The following ZNF383 variants were observed in gnomAD, a reference collection of about 807,000 sequenced individuals.
ZNF383 encodes the protein zinc finger protein 383.
Under a neutral mutation model 44.2 loss-of-function variants are expected in ZNF383, and 32 were observed. The ratio of observed to expected loss-of-function variants is 0.72; its 90% CI spans 0.55 to 0.97. The LOEUF is 0.97. Among genes scored for constraint, ZNF383 ranks in the 50% least tolerant of loss-of-function variants. The probability of loss-of-function intolerance (pLI) is 0.00; values close to 1 mark genes in which losing one functional copy is unlikely to be tolerated. For synonymous variants in ZNF383, 155 were observed against 186.2 expected, an observed-to-expected ratio of 0.83 and a Z score of 1.36; for missense variants, 487 against 562.5, an observed-to-expected ratio of 0.87 and a Z score of 1.36.
At position 37,248,183 on chromosome 19, in the gene ZNF383, T is replaced by G. The variant is rs971243188; in HGVS notation, c.*4519T>G. The stretch of plus-strand genomic sequence containing the variant: ...TTTTTCTTAAAATATATTTTAAATG[T>G]CAAATTGCTACACTAAAAAAGACAC... On this transcript the variant is annotated 3_prime_UTR_variant, in exon 6 of 6. Transcript: ENST00000684119. 3 of 152,298 alleles carry G rather than the reference T, an allele frequency of 2.0e-5. No individual in the cohort carries two copies. In the East Asian group the frequency reaches 5.8e-4, roughly 29 times the overall value. 9.4% of individuals were successfully genotyped at this position (152,298 alleles called of 1,614,324 possible). A position where few individuals can be genotyped will look rare whatever the true frequency, so the allele number is the denominator to read the frequency against.
At chr19:37,229,013 T>A (rs1973318491) in intron 2 of ZNF383, among the ~76,000 whole-genome samples, 1 of 152,094 alleles carries the variant, frequency 6.6e-6, no homozygotes, top group Non-Finnish European at 1.5e-5. Flanking sequence ...GTGGCAGAAG[T>A]ATTCTGTTTA....
Position 37,242,858 on chromosome 19 carries a change from A to G in ZNF383, c.622A>G (p.Ser208Gly). Residue 208 changes from serine (S) to glycine (G), a missense_variant, in exon 6 of 6, where the codon AGT (serine) becomes GGT (glycine). By Grantham distance (56) the Ser-to-Gly change is moderately conservative. Coordinates refer to ENST00000684119, the MANE Select transcript of ZNF383 (RefSeq NM_001387601.1). ...YECKECGKFFSCGSHVTRHLK... is the reference protein window; with the variant it reads ...YECKECGKFFGCGSHVTRHLK... ...ATGTAAAGAGTGTGGGAAATTCTTT[A>G]GTTGTGGTTCACATGTTACTCGGCA... The G allele has an allele frequency of 6.2e-7, 1 of 1,614,046 alleles. No individual in the cohort carries two copies. The highest frequency in any genetic ancestry group is 8.5e-7 in the Non-Finnish European group (1 of 1,179,916).
Position 37,234,620 on chromosome 19 carries a change from G to A in ZNF383, c.10-929G>A, listed in dbSNP as rs191327636. Among the ~76,000 whole-genome samples the A allele has an allele frequency of 6.6e-5, 10 of 151,812 alleles. No individual in the cohort carries two copies. The East Asian group carries it at 2.0e-3, about 30-fold the overall frequency. ...TTAGCCAGGATGGTCTCGATCTCCT[G>A]ACCTCGCGATCAGCCCGCCTTGGCC... On this transcript the variant is annotated intron_variant, in intron 3 of 5. Coordinates refer to ENST00000684119, the MANE Select transcript of ZNF383 (RefSeq NM_001387601.1).
chr19:37,228,817 A>G (rs1241211212), intron 2 of ZNF383, among the ~76,000 whole-genome samples: 1 of 152,318 alleles, frequency 6.6e-6, no homozygotes, highest in East Asian at 1.9e-4. Context: ...AAAAAACAGG[A>G]TAAGAAAAGA....
At position 37,235,779 on chromosome 19, in the gene ZNF383, T is replaced by A. The variant is rs1375462898; in HGVS notation, c.136+104T>A. 2.8e-6 allele frequency: 4 copies of A among 1,420,682 alleles called. No homozygotes were observed. In the African/African-American group the frequency reaches 5.8e-5, roughly 20 times the overall value. 88.0% of individuals were successfully genotyped at this position (1,420,682 alleles called of 1,614,324 possible). A position where few individuals can be genotyped will look rare whatever the true frequency, so the allele number is the denominator to read the frequency against. On this transcript the variant is annotated intron_variant, in intron 4 of 5. Transcript: ENST00000684119. ...TTCAGGTTACTAGCTGAATTTCTAT[T>A]CTTTATTACCAAACAAATGGTTTGA...
chr19:37,220,565 T>G (rs917913845), intron 1 of ZNF383, among the ~76,000 whole-genome samples: 6 of 123,212 alleles, frequency 4.9e-5, no homozygotes, highest in African/African-American at 8.0e-5. Flanking sequence ...ATTTGTTTTT[T>G]TTTTTGTTGT....
At position 37,242,406 on chromosome 19, in the gene ZNF383, T is replaced by C. The variant is rs1045264118; in HGVS notation, c.233-63T>C. The C allele has an allele frequency of 4.0e-5, 44 of 1,108,706 alleles. No individual in the cohort carries two copies. In the South Asian group the frequency reaches 6.8e-4, roughly 17 times the overall value. The allele number at this position is 1,108,706 out of a possible 1,614,324, so 68.7% of individuals were successfully genotyped here. ...TCTTACTTTAATTTTTCCATTTCTA[T>C]TATAAAAGTTTAATTTTTCACAAAT... On this transcript the variant is annotated intron_variant, in intron 5 of 5. Coordinates refer to ENST00000684119, the MANE Select transcript of ZNF383 (RefSeq NM_001387601.1).
intron 3 of ZNF383, among the ~76,000 whole-genome samples, chr19:37,235,012 G>T (rs930345492): frequency 2.6e-5 from 4 of 152,100 alleles, no homozygotes; most frequent in Admixed American, 1.3e-4. Flanking sequence ...AGTGGCTCAT[G>T]TCGTAATCCC....
rs1974256232 is a variant in ZNF383 at position 37,243,719 on chromosome 19, AAT to A, written c.*57_*58del. The A allele has an allele frequency of 1.6e-6, 2 of 1,212,716 alleles. No homozygotes were observed. Among genetic ancestry groups the A allele is most frequent in the Admixed American group, 2.4e-5 (1 of 42,078 alleles). 75.1% of individuals were successfully genotyped at this position (1,212,716 alleles called of 1,614,324 possible). A position where few individuals can be genotyped will look rare whatever the true frequency, so the allele number is the denominator to read the frequency against. On this transcript the variant is annotated 3_prime_UTR_variant, in exon 6 of 6. Transcript: ENST00000684119. Reference sequence around the variant, plus strand: ...ATATTTTAAACCAAAAATCATGTCTAATAGTTACCCTCTTCCGTAGTTTTTTT... The same window carrying A: ...ATATTTTAAACCAAAAATCATGTCTAAGTTACCCTCTTCCGTAGTTTTTTT...
rs1973770159 is a variant in ZNF383, at chr19:37,235,968, C to G, written c.137-11C>G. 7 of 1,606,046 alleles carry G rather than the reference C, an allele frequency of 4.4e-6. No homozygotes were observed. In the East Asian group the frequency reaches 1.3e-4, roughly 31 times the overall value. On this transcript the variant is annotated splice_polypyrimidine_tract_variant and intron_variant, in intron 4 of 5. Transcript: ENST00000684119. Reference sequence around the variant, plus strand: ...AGCATAACCATGTTCCATATCTTTTCTCGTGAGCAGGACTTTACACTCCTA... The same window carrying G: ...AGCATAACCATGTTCCATATCTTTTGTCGTGAGCAGGACTTTACACTCCTA...
At chr19:37,222,518 A>G (rs930066905) in intron 1 of ZNF383, among the ~76,000 whole-genome samples, 2 of 152,208 alleles carry the variant, frequency 1.3e-5, no homozygotes, top group African/African-American at 2.4e-5. Context: ...CTGAGATTAC[A>G]GGCGCACGCC....
In ZNF383 at chr19:37,243,196, C is replaced by T. The variant is rs879130790; in HGVS notation, c.960C>T (p.Thr320=). 3.1e-6 allele frequency: 5 copies of T among 1,612,908 alleles called. No homozygotes were observed. Among genetic ancestry groups the T allele is most frequent in the African/African-American group, 1.3e-5 (1 of 74,604 alleles). ...YECKECGKAF[T]QSSKLVQHQR... is the part of the protein sequence containing the mutation. ...GTAAGGAATGTGGCAAAGCCTTTAC[C>T]CAGAGCTCAAAGCTTGTTCAACATC... is the stretch of plus-strand genomic sequence containing the variant. Residue 320 remains threonine (T), a synonymous_variant, in exon 6 of 6, where the codon ACC becomes ACT. Transcript: ENST00000684119.
chr19:37,233,481 G>A (rs2145509508), intron 3 of ZNF383, among the ~76,000 whole-genome samples: 1 of 151,816 alleles, frequency 6.6e-6, no homozygotes, highest in African/African-American at 2.4e-5. Context: ...CCAGGCTGGA[G>A]TGCAGTGGTG....
Position 37,243,067 on chromosome 19 carries a change from T to G in ZNF383, c.831T>G (p.Thr277=), listed in dbSNP as rs764542717. The change falls in exon 6 of 6, where the codon ACT becomes ACG. Residue 277 remains threonine (T), a synonymous_variant. Transcript: ENST00000684119. ...SNLIDHQRIH[T]GEKPYECKVC... ...TTATTGACCATCAGCGAATTCACACTGGTGAAAAACCTTATGAATGTAAAG... is the reference window on the plus strand; with the variant it reads ...TTATTGACCATCAGCGAATTCACACGGGTGAAAAACCTTATGAATGTAAAG... The G allele has an allele frequency of 6.2e-7, 1 of 1,613,964 alleles. No individual in the cohort carries two copies. The highest frequency in any genetic ancestry group is 1.1e-5 in the South Asian group (1 of 91,064).
intron 2 of ZNF383, among the ~76,000 whole-genome samples, chr19:37,227,322 C>T (rs575714415): frequency 6.0e-4 from 91 of 150,526 alleles, no homozygotes; most frequent in Non-Finnish European, 1.2e-3. Context: ...CTGTGTTGGT[C>T]GGGCTGGTCT....
chr19:37,243,678 C>A lies in ZNF383; in HGVS notation c.*14C>A, dbSNP rs377141566. The A allele has an allele frequency of 7.2e-5, 105 of 1,457,420 alleles. No individual in the cohort carries two copies. The African/African-American group carries it at 1.3e-3, about 18-fold the overall frequency. 90.3% of individuals were successfully genotyped at this position (1,457,420 alleles called of 1,614,324 possible). On this transcript the variant is annotated 3_prime_UTR_variant, in exon 6 of 6. Transcript: ENST00000684119. ...ACTAATAAATAATAAAAATTAAAGC[C>A]CCTGTCACCTTCCTCATATTTTAAA...
At chr19:37,219,951 T>G (rs1373976559) in intron 1 of ZNF383, among the ~76,000 whole-genome samples, 1 of 152,156 alleles carries the variant, frequency 6.6e-6, no homozygotes, top group East Asian at 1.9e-4. Flanking sequence ...TTTCCCAGTG[T>G]ACTAAAGTTT....
intron 2 of ZNF383, among the ~76,000 whole-genome samples, chr19:37,227,110 CTTTTTTTTTTTT>C (rs35250551): frequency 2.2e-5 from 2 of 92,022 alleles, no homozygotes; most frequent in African/African-American, 9.7e-5. Context: ...CCCAGCCAGG[CTTTTTTTTTTTT>C]TTTTTTTTTG....
rs1021354635 is a variant in ZNF383 at position 37,248,706 on chromosome 19, A to T, written c.*5042A>T. The T allele has an allele frequency of 3.9e-5, 6 of 152,240 alleles. No individual in the cohort carries two copies. Among genetic ancestry groups the T allele is most frequent in the African/African-American group, 1.2e-4 (5 of 41,462 alleles). 9.4% of individuals were successfully genotyped at this position (152,240 alleles called of 1,614,324 possible). A position where few individuals can be genotyped will look rare whatever the true frequency, so the allele number is the denominator to read the frequency against. On this transcript the variant is annotated 3_prime_UTR_variant, in exon 6 of 6. Coordinates refer to ENST00000684119, the MANE Select transcript of ZNF383 (RefSeq NM_001387601.1). ...TTCTAGCAGTATTTGACAGGATGGG[A>T]TATATTTTATAAATAAACTTGGACT...
Sources: allele counts gnomAD v4.1 joint callset (sites outside exome capture counted in the v4.1 genomes callset), GRCh38; gene constraint gnomAD v4.1.1; transcripts MANE v1.5; gene names NCBI Gene and HGNC (gene_info 2026-07-23, HGNC 2026-07-21).